Variants in GTPBP4 observed in about 807,000 individuals in gnomAD.
GTPBP4 encodes the protein GTP binding protein 4, also known as GTP-binding protein 4.
A neutral mutation model predicts 81.7 loss-of-function variants in GTPBP4; 15 were observed. That is an observed-to-expected ratio of 0.18 (90% CI 0.12 to 0.28). GTPBP4 has a LOEUF of 0.28. GTPBP4 is among the 10% of genes least tolerant of loss of function. GTPBP4 has a pLI of 1.00. For missense variants in GTPBP4, 847 were observed against 793.8 expected (o/e 1.07, Z -0.81); for synonymous variants, 272 against 274.6 (o/e 0.99, Z 0.09).
intron 13 of GTPBP4, 147 bp from the exon 14 acceptor site, chr10:1,012,318 A>G: frequency 1.8e-6 from 1 of 564,302 alleles, no homozygotes; most frequent in South Asian, 2.4e-5. Context: ...TAAATGGCAC[A>G]TAGGCAGGGC....
rs374791851 is a variant in GTPBP4 at position 1,012,562 on chromosome 10, G to A, written c.1442G>A (p.Arg481Gln). Residue 481 changes from arginine (R) to glutamine (Q), a missense_variant, in exon 14 of 17, where the codon CGA (arginine) becomes CAA (glutamine). Transcript: ENST00000360803. ...GAAGACGAAGAGATGCTGGAAATCC[G>A]ACAGCTGGCAAAGCAAATTCGAGAG... Reference protein sequence around the residue: ...ESEDEEMLEIRQLAKQIREKK... With the variant: ...ESEDEEMLEIQQLAKQIREKK... The A allele has an allele frequency of 1.2e-5, 19 of 1,613,500 alleles. 1 individual carries two copies. The South Asian group carries it at 1.2e-4, about 10-fold the overall frequency.
At chr10:1,011,004 C>CACCCCGAGA (rs1564470748) in intron 13 of GTPBP4, among the ~76,000 whole-genome samples, 1 of 124,008 alleles carries the variant, frequency 8.1e-6, no homozygotes, top group Non-Finnish European at 1.8e-5. Context: ...CCACCTTCCC[C>CACCCCGAGA]CCCACCCTGT....
At position 1,005,176 on chromosome 10, in the gene GTPBP4, C is replaced by T. The variant is rs113414830; in HGVS notation, c.913-642C>T. ...GTTTGTTTGTTTTAAGACGGAGTCTCGCTCTGTCCCCCAGGCTGGAGTGCA... is the reference window on the plus strand; with the variant it reads ...GTTTGTTTGTTTTAAGACGGAGTCTTGCTCTGTCCCCCAGGCTGGAGTGCA... On this transcript the variant is annotated intron_variant, in intron 8 of 16. Coordinates refer to ENST00000360803, the MANE Select transcript of GTPBP4 (RefSeq NM_012341.3). Among the ~76,000 whole-genome samples, 483 of 152,244 alleles carry T rather than the reference C, an allele frequency of 3.2e-3. 2 individuals are homozygous for T. The highest frequency in any genetic ancestry group is 0.01 in the African/African-American group (418 of 41,528).
At chr10:1,016,015 T>C in intron 16 of GTPBP4, 119 bp downstream of exon 16, 3 of 899,440 alleles carry the variant, frequency 3.3e-6, no homozygotes. Flanking sequence ...TTGTGTGTAC[T>C]GCATGCCCTC....
intron 1 of GTPBP4, chr10:989,044 G>C (rs1306887336): frequency 6.5e-6 from 1 of 152,870 alleles, no homozygotes; most frequent in East Asian, 1.9e-4. Context: ...GACCATAGTA[G>C]GCCCAGACTA....
At chr10:1,002,747 C>A (rs1490382996) in intron 8 of GTPBP4, among the ~76,000 whole-genome samples, 1 of 152,140 alleles carries the variant, frequency 6.6e-6, no homozygotes, top group East Asian at 1.9e-4. Flanking sequence ...CCATTGTCTC[C>A]TGGCGTGCAA....
rs532687214 is a variant in GTPBP4 at position 1,013,709 on chromosome 10, G to A, written c.1543-538G>A. ...AATTTATTGGCTCTGTGGCAGGGTG[G>A]GACTGGGGGAAGAAAGCCCACATGC... On this transcript the variant is annotated intron_variant, in intron 14 of 16. Transcript: ENST00000360803. Among the ~76,000 whole-genome samples, 24 of 152,330 alleles carry A rather than the reference G, an allele frequency of 1.6e-4. No homozygotes were observed. In the East Asian group the frequency reaches 4.4e-3, roughly 28 times the overall value.
chr10:1,013,623 T>C (rs1361397718), intron 14 of GTPBP4, among the ~76,000 whole-genome samples: 1 of 151,942 alleles, frequency 6.6e-6, no homozygotes. Flanking sequence ...AAATAAAAAA[T>C]TTAAAAAAAA....
chr10:1,012,715 C>G (rs1377894579), intron 14 of GTPBP4, 53 bp downstream of exon 14: 2 of 1,256,852 alleles, frequency 1.6e-6, no homozygotes, highest in Admixed American at 2.0e-5. Context: ...AAATTGGATT[C>G]CTGTGTGATC....
intron 8 of GTPBP4, among the ~76,000 whole-genome samples, chr10:1,002,391 T>C (rs1644663619): frequency 6.6e-6 from 1 of 152,234 alleles, no homozygotes; most frequent in South Asian, 2.1e-4. Context: ...CTTTATCTGA[T>C]AGAAGTATAG....
At chr10:1,011,855 C>T (rs1201209375) in intron 13 of GTPBP4, among the ~76,000 whole-genome samples, 4 of 152,336 alleles carry the variant, frequency 2.6e-5, no homozygotes, top group Admixed American at 6.5e-5. Flanking sequence ...CGCTCTTGGG[C>T]GCAAGAAGCC....
At chr10:1,013,044 C>T (rs910690715) in intron 14 of GTPBP4, among the ~76,000 whole-genome samples, 15 of 151,974 alleles carry the variant, frequency 9.9e-5, no homozygotes, top group Non-Finnish European at 2.1e-4. Context: ...AGTGCAATGG[C>T]GCCATCTTGG....
chr10:1,010,013 A>C (rs574314115), intron 12 of GTPBP4, among the ~76,000 whole-genome samples: 1 of 152,236 alleles, frequency 6.6e-6, no homozygotes, highest in Admixed American at 6.5e-5. Flanking sequence ...GTGCATGCTG[A>C]TAGCACTCAG....
intron 2 of GTPBP4, among the ~76,000 whole-genome samples, chr10:995,489 G>C (rs1480666578): frequency 1.3e-5 from 1 of 79,830 alleles, no homozygotes; most frequent in Non-Finnish European, 2.4e-5. Context: ...GAGAGACACA[G>C]TGTGTCTTGG....
chr10:997,482 G>A (rs1378464465), intron 5 of GTPBP4, among the ~76,000 whole-genome samples, 174 bp downstream of exon 5: 2 of 152,262 alleles, frequency 1.3e-5, no homozygotes, highest in African/African-American at 2.4e-5. Context: ...TGGTCCTTGA[G>A]TAAAACACTG....
chr10:1,015,545 CGCTGAGCCTGGGAGCGGGG>C (rs1564472345), intron 15 of GTPBP4, among the ~76,000 whole-genome samples, 189 bp from the exon 16 acceptor site: 37 of 136,606 alleles, frequency 2.7e-4, no homozygotes, highest in African/African-American at 8.9e-4. Flanking sequence ...GGGTCCTGAG[CGCTGAGCCTGGGAGCGGGG>C]CTGGGGTCCT....
At chr10:1,015,988 A>G in intron 16 of GTPBP4, 92 bp downstream of exon 16, 2 of 1,151,492 alleles carry the variant, frequency 1.7e-6, no homozygotes, top group Non-Finnish European at 2.5e-6. Context: ...TGCCATTTGC[A>G]GGAACTATGG....
intron 1 of GTPBP4, among the ~76,000 whole-genome samples, chr10:991,469 TC>T (rs1031688868): frequency 1.2e-4 from 18 of 152,148 alleles, no homozygotes; most frequent in Non-Finnish European, 4.4e-5. Flanking sequence ...CTCAAATAGT[TC>T]CCTTCCATCT....
chr10:1,007,993 T>C (rs766090265), intron 10 of GTPBP4: 4 of 516,036 alleles, frequency 7.8e-6, no homozygotes. Flanking sequence ...TTTTGTCACT[T>C]GCCTTTTTAA....
Sources: gnomAD v4.1 joint callset for allele counts (sites outside exome capture counted in the v4.1 genomes callset) on GRCh38, gnomAD v4.1.1 for gene constraint, MANE v1.5 for transcripts, NCBI Gene and HGNC (gene_info 2026-07-23, HGNC 2026-07-21) for gene names.